Variants in SPMIP3 observed in about 807,000 individuals in gnomAD.
SPMIP3 encodes the protein sperm microtubule inner protein 3, also known as protein SPMIP3.
At chr1:244,378,180 C>A in the SPMIP3 span, among the ~76,000 whole-genome samples, 1 of 152,012 alleles carries the variant, frequency 6.6e-6, no homozygotes. Context: ...ACCTCTGGAG[C>A]GCGGGGAGTG....
At chr1:244,353,745 T>G in the SPMIP3 span, among the ~76,000 whole-genome samples, 1 of 152,094 alleles carries the variant, frequency 6.6e-6, no homozygotes. Context: ...ATTACAGAAC[T>G]GGTGAGAGTC....
chr1:244,371,744 C>T, the SPMIP3 span, among the ~76,000 whole-genome samples: 1 of 152,346 alleles, frequency 6.6e-6, no homozygotes, highest in Admixed American at 6.5e-5. Context: ...GGTTCTTAAA[C>T]TGTAATGTGG....
At chr1:244,374,067 T>C in the SPMIP3 span, among the ~76,000 whole-genome samples, 5 of 151,812 alleles carry the variant, frequency 3.3e-5, no homozygotes, top group East Asian at 5.8e-4. Context: ...GAGCTGAGAT[T>C]GGGCCACTGC....
At chr1:244,389,054 T>G in the SPMIP3 span, 1 of 1,612,624 alleles carries the variant, frequency 6.2e-7, no homozygotes, top group Non-Finnish European at 8.5e-7. Context: ...AAAGAAATGC[T>G]TTTAAACTAA....
the SPMIP3 span, among the ~76,000 whole-genome samples, chr1:244,387,690 G>T: frequency 2.6e-5 from 4 of 152,190 alleles, no homozygotes; most frequent in African/African-American, 9.7e-5. Context: ...TGGCTGTTGT[G>T]TGGAGGTTGG....
chr1:244,356,112 C>T, the SPMIP3 span, among the ~76,000 whole-genome samples: 3 of 152,012 alleles, frequency 2.0e-5, no homozygotes, highest in Non-Finnish European at 4.4e-5. Flanking sequence ...ATCTGTACAC[C>T]TTTTATTTCC....
At chr1:244,362,099 A>G in the SPMIP3 span, among the ~76,000 whole-genome samples, 1 of 152,246 alleles carries the variant, frequency 6.6e-6, no homozygotes, top group Non-Finnish European at 1.5e-5. Flanking sequence ...CTATTCCATT[A>G]TAGTGTAATG....
the SPMIP3 span, chr1:244,388,939 T>C: frequency 6.2e-7 from 1 of 1,603,680 alleles, no homozygotes; most frequent in South Asian, 1.1e-5. Flanking sequence ...CTTAATTTGT[T>C]TTAAATTCCA....
the SPMIP3 span, among the ~76,000 whole-genome samples, chr1:244,372,529 C>T: frequency 1.3e-5 from 2 of 151,914 alleles, no homozygotes; most frequent in Non-Finnish European, 2.9e-5. Context: ...CTGCAAGCCC[C>T]ACCTTCCAGG....
At chr1:244,360,064 G>A in the SPMIP3 span, among the ~76,000 whole-genome samples, 102 of 151,342 alleles carry the variant, frequency 6.7e-4, no homozygotes, top group Admixed American at 1.4e-3. Flanking sequence ...AGCCAACATC[G>A]CACCACTGCA....
chr1:244,354,844 GGGAGGT>G, the SPMIP3 span, among the ~76,000 whole-genome samples: 1 of 152,218 alleles, frequency 6.6e-6, no homozygotes, highest in Non-Finnish European at 1.5e-5. Context: ...AAAGAGGAGA[GGGAGGT>G]GCAGCCACCT....
the SPMIP3 span, among the ~76,000 whole-genome samples, chr1:244,371,266 G>T: frequency 6.6e-6 from 1 of 152,216 alleles, no homozygotes; most frequent in Non-Finnish European, 1.5e-5. Context: ...TCTACAGCTG[G>T]TTAAAACCCG....
At chr1:244,384,791 G>A in the SPMIP3 span, among the ~76,000 whole-genome samples, 2 of 152,144 alleles carry the variant, frequency 1.3e-5, no homozygotes, top group East Asian at 3.8e-4. Context: ...GCAAAGGGCT[G>A]GTCTGCAAGA....
the SPMIP3 span, among the ~76,000 whole-genome samples, chr1:244,363,407 AAAAC>A: frequency 1.3e-5 from 2 of 151,148 alleles, no homozygotes; most frequent in African/African-American, 2.4e-5. Context: ...GGCCCTGTGA[AAAAC>A]AAACAAACAA....
At chr1:244,383,589 G>A in the SPMIP3 span, among the ~76,000 whole-genome samples, 2 of 152,300 alleles carry the variant, frequency 1.3e-5, no homozygotes, top group South Asian at 2.1e-4. Flanking sequence ...GGAGCATATA[G>A]TAAGTCAGAG....
At chr1:244,376,348 G>A in the SPMIP3 span, 1 of 152,148 alleles carries the variant, frequency 6.6e-6, no homozygotes, top group Non-Finnish European at 1.5e-5. Flanking sequence ...TCCCCTCTAA[G>A]TGTGATGAGT....
the SPMIP3 span, among the ~76,000 whole-genome samples, chr1:244,388,274 T>G: frequency 6.6e-6 from 1 of 152,194 alleles, no homozygotes; most frequent in Admixed American, 6.5e-5. Flanking sequence ...AAAAAATATT[T>G]TGTATATATT....
chr1:244,356,918 C>CA, the SPMIP3 span, among the ~76,000 whole-genome samples: 1 of 103,784 alleles, frequency 9.6e-6, no homozygotes, highest in Non-Finnish European at 1.8e-5. Context: ...TTTTCTTTTC[C>CA]TTTTTTTTTT....
At chr1:244,363,854 C>T in the SPMIP3 span, among the ~76,000 whole-genome samples, 1 of 152,334 alleles carries the variant, frequency 6.6e-6, no homozygotes, top group South Asian at 2.1e-4. Flanking sequence ...AGGCAGCAGC[C>T]TCTGCCTAAT....
Sources: gnomAD v4.1 joint callset for allele counts (sites outside exome capture counted in the v4.1 genomes callset) on GRCh38, gnomAD v4.1.1 for gene constraint, MANE v1.5 for transcripts, NCBI Gene and HGNC (gene_info 2026-07-23, HGNC 2026-07-21) for gene names.